CDH9: variants seen among roughly 807,000 people sequenced by gnomAD.
CDH9 encodes cadherin 9, also known as cadherin-9.
A neutral mutation model predicts 70.9 loss-of-function variants in CDH9; 28 were observed. The ratio of observed to expected loss-of-function variants is 0.40; its 90% confidence interval spans 0.29 to 0.54. The LOEUF is 0.54. CDH9 is among the 20% of genes least tolerant of loss of function. CDH9 has a pLI of 0.59. For synonymous variants in CDH9, 409 were observed against 343.1 expected (o/e 1.19, Z -2.12); for missense variants, 874 against 984.4 (o/e 0.89, Z 1.50).
At position 26,881,614 on chromosome 5, in the gene CDH9, A is replaced by G; in HGVS notation, c.1892T>C (p.Val631Ala). 1 of 1,601,728 alleles carries G rather than the reference A, an allele frequency of 6.2e-7. No homozygotes were observed. The highest frequency in any genetic ancestry group is 8.5e-7 in the Non-Finnish European group (1 of 1,176,580). Residue 631 changes from valine (V) to alanine (A), a missense_variant, in exon 12 of 12, where the codon GTG (valine) becomes GCG (alanine). Transcript: ENST00000231021. ...LCVLILLILV[V>A]LFAALKRQRK... is the part of the protein sequence containing the mutation. ...TTGCCTCTTCAATGCAGCAAACAAC[A>G]CGACTAAAACTATTAATAAGAAATG...
chr5:27,018,306 T>G (rs1743080590), intron 1 of CDH9, among the ~76,000 whole-genome samples: 1 of 151,720 alleles, frequency 6.6e-6, no homozygotes, highest in Non-Finnish European at 1.5e-5. Flanking sequence ...TCATCTTGAT[T>G]TAAATACATA....
intron 3 of CDH9, among the ~76,000 whole-genome samples, chr5:26,914,329 C>T (rs1046550291): frequency 5.3e-5 from 8 of 151,824 alleles, no homozygotes; most frequent in African/African-American, 1.5e-4. Context: ...CTTAATCTCA[C>T]ATATAAACCC....
intron 2 of CDH9, among the ~76,000 whole-genome samples, chr5:26,927,958 T>C (rs10057565): frequency 0.096 from 14,546 of 152,062 alleles, 872 homozygotes; most frequent in East Asian, 0.17. Flanking sequence ...TGTCATCGCC[T>C]TATGGCAGGA....
chr5:27,020,916 G>A (rs1743127795), intron 1 of CDH9, among the ~76,000 whole-genome samples: 1 of 151,584 alleles, frequency 6.6e-6, no homozygotes, highest in South Asian at 2.1e-4. Context: ...AATTCTTTTA[G>A]AATAATGTGT....
At chr5:27,003,494 T>C (rs1378286092) in intron 1 of CDH9, among the ~76,000 whole-genome samples, 2 of 151,964 alleles carry the variant, frequency 1.3e-5, no homozygotes, top group Non-Finnish European at 2.9e-5. Context: ...TCAAGTCCAA[T>C]ATCACAATAT....
Position 26,921,301 on chromosome 5 carries a change from A to G in CDH9, c.229-5377T>C, listed in dbSNP as rs557945696. ...GTTAACCTGTCAGAATATAGCTTATAAGGAAGAGAAGAGGGCAAAGGAGAA... is the reference window on the plus strand; with the variant it reads ...GTTAACCTGTCAGAATATAGCTTATGAGGAAGAGAAGAGGGCAAAGGAGAA... On this transcript the variant is annotated intron_variant, in intron 2 of 11. Coordinates refer to ENST00000231021, the MANE Select transcript of CDH9 (RefSeq NM_016279.4). Among the ~76,000 whole-genome samples the G allele has an allele frequency of 2.6e-5, 4 of 152,294 alleles. No individual in the cohort carries two copies. In the East Asian group the frequency reaches 7.7e-4, roughly 29 times the overall value.
At chr5:27,024,123 C>T (rs934387832) in intron 1 of CDH9, among the ~76,000 whole-genome samples, 1 of 151,630 alleles carries the variant, frequency 6.6e-6, no homozygotes, top group African/African-American at 2.4e-5. Context: ...ACCATTTTAA[C>T]TTGACCCTAT....
chr5:26,989,027 C>A (rs989181753), intron 1 of CDH9, among the ~76,000 whole-genome samples: 2 of 151,802 alleles, frequency 1.3e-5, no homozygotes, highest in African/African-American at 4.8e-5. Flanking sequence ...TTATTTGAGA[C>A]TGAGGAGTAC....
Position 26,886,050 on chromosome 5 carries a change from C to T in CDH9, c.1546G>A (p.Asp516Asn). 2 of 1,607,872 alleles carry T rather than the reference C, an allele frequency of 1.2e-6. No individual in the cohort carries two copies. The highest frequency in any genetic ancestry group is 2.2e-5 in the East Asian group (1 of 44,812). Residue 516 changes from aspartate (D) to asparagine (N), a missense_variant, in exon 10 of 12, where the codon GAC becomes AAC. Asp to Asn is a conservative substitution (Grantham distance 23, BLOSUM62 1). Transcript: ENST00000231021. ...IQTVSVMDKDDPPRGHKFFFE... is the reference protein window; with the variant it reads ...IQTVSVMDKDNPPRGHKFFFE... ...AAGAATTTGTGACCTCGGGGAGGGT[C>T]ATCCTTATCCATGACACTGACAGTC...
At chr5:26,938,778 T>A (rs1741606671) in intron 2 of CDH9, among the ~76,000 whole-genome samples, 1 of 152,014 alleles carries the variant, frequency 6.6e-6, no homozygotes, top group South Asian at 2.1e-4. Context: ...AATTAAAAAA[T>A]AAAACACTGA....
intron 3 of CDH9, among the ~76,000 whole-genome samples, chr5:26,914,781 T>C (rs2112004201): frequency 6.6e-6 from 1 of 152,160 alleles, no homozygotes; most frequent in East Asian, 1.9e-4. Context: ...TGAAAACTGG[T>C]TTTGAAATAG....
intron 1 of CDH9, among the ~76,000 whole-genome samples, chr5:26,991,978 G>A (rs368074461): frequency 4.9e-4 from 75 of 152,120 alleles, no homozygotes; most frequent in African/African-American, 1.5e-3. Context: ...GAATACATAC[G>A]CACACATATA....
At chr5:27,037,432 T>C (rs187520516) in intron 1 of CDH9, among the ~76,000 whole-genome samples, 1 of 152,090 alleles carries the variant, frequency 6.6e-6, no homozygotes, top group East Asian at 2.0e-4. Flanking sequence ...TACAAATAAA[T>C]GTAAACTTAT....
chr5:26,970,336 C>T (rs1219518344), intron 2 of CDH9, among the ~76,000 whole-genome samples: 4 of 151,594 alleles, frequency 2.6e-5, no homozygotes, highest in African/African-American at 9.7e-5. Flanking sequence ...TTTCAAGTAG[C>T]TATGTAAAGA....
intron 4 of CDH9, 54 bp downstream of exon 4, chr5:26,906,665 T>C (rs1740954065): frequency 1.3e-6 from 2 of 1,560,984 alleles, no homozygotes; most frequent in Non-Finnish European, 1.7e-6. Flanking sequence ...CTAAATTAAT[T>C]ATGCATCTTA....
chr5:26,885,881 T>C lies in CDH9; in HGVS notation c.1631-16A>G, dbSNP rs780412149. On this transcript the variant is annotated splice_polypyrimidine_tract_variant and intron_variant, in intron 10 of 11. Coordinates refer to ENST00000231021, the MANE Select transcript of CDH9 (RefSeq NM_016279.4). Reference sequence around the variant, plus strand: ...GCTGTATTATCTGGGGGAGAAAACATGTAAAAAAACAAAAACTTTCATATT... The same window carrying C: ...GCTGTATTATCTGGGGGAGAAAACACGTAAAAAAACAAAAACTTTCATATT... 3.7e-6 allele frequency: 6 copies of C among 1,607,868 alleles called. No individual in the cohort carries two copies. The highest frequency in any genetic ancestry group is 5.1e-6 in the Non-Finnish European group (6 of 1,177,414).
chr5:27,031,974 C>T (rs1743318239), intron 1 of CDH9, among the ~76,000 whole-genome samples: 3 of 151,726 alleles, frequency 2.0e-5, no homozygotes. Context: ...ACTTACTTTC[C>T]TATTTAAATA....
intron 2 of CDH9, among the ~76,000 whole-genome samples, chr5:26,954,359 T>G (rs1009935914): frequency 4.0e-5 from 6 of 151,492 alleles, no homozygotes; most frequent in African/African-American, 1.5e-4. Context: ...TTGCACATTT[T>G]TAAAGCTTTT....
chr5:26,897,603 C>T (rs977189620), intron 7 of CDH9, among the ~76,000 whole-genome samples: 3 of 151,996 alleles, frequency 2.0e-5, no homozygotes, highest in Admixed American at 2.0e-4. Context: ...GAAAGGCCTT[C>T]AATAAACTTC....
Sources: allele counts gnomAD v4.1 joint callset (sites outside exome capture counted in the v4.1 genomes callset), GRCh38; gene constraint gnomAD v4.1.1; transcripts MANE v1.5; gene names NCBI Gene and HGNC (gene_info 2026-07-23, HGNC 2026-07-21).